The following DAB1 variants were observed in gnomAD, a reference collection of about 807,000 sequenced individuals.
The protein encoded by DAB1 is disabled homolog 1.
In DAB1, 15 loss-of-function variants were observed where a neutral mutation model predicts 64.6. The ratio of observed to expected loss-of-function variants is 0.23; its 90% CI spans 0.16 to 0.36. The LOEUF (loss-of-function observed/expected upper bound fraction) is 0.36. Among genes scored for constraint, DAB1 ranks in the 10% least tolerant of loss-of-function variants. DAB1 has a pLI of 1.00. For synonymous variants in DAB1, 235 were observed against 251.9 expected, an observed-to-expected ratio of 0.93 and a Z score of 0.64; for missense variants, 596 against 706.7, an observed-to-expected ratio of 0.84 and a Z score of 1.78.
intron 6 of DAB1, among the ~76,000 whole-genome samples, chr1:57,740,083 A>C (rs966686006): frequency 1.3e-5 from 2 of 148,806 alleles, no homozygotes; most frequent in Non-Finnish European, 3.0e-5. Flanking sequence ...GCGTGGTCGC[A>C]TGCACTTGTA....
chr1:57,530,641 T>C (rs1168934845), intron 7 of DAB1, among the ~76,000 whole-genome samples: 1 of 152,062 alleles, frequency 6.6e-6, no homozygotes, highest in Non-Finnish European at 1.5e-5. Flanking sequence ...AGCAATTATA[T>C]TGTGAAGAGA....
intron 5 of DAB1, among the ~76,000 whole-genome samples, chr1:57,954,696 T>C (rs1645351460): frequency 6.6e-6 from 1 of 152,192 alleles, no homozygotes; most frequent in African/African-American, 2.4e-5. Context: ...AATACATCCC[T>C]AGTGGAGATG....
intron 14 of DAB1, among the ~76,000 whole-genome samples, chr1:57,009,477 C>G (rs574749029): frequency 6.6e-6 from 1 of 152,278 alleles, no homozygotes; most frequent in East Asian, 1.9e-4. Context: ...AATACACTTT[C>G]AAAATACCAT....
At chr1:58,343,056 G>A (rs1167702808) in intron 4 of DAB1, among the ~76,000 whole-genome samples, 4 of 152,108 alleles carry the variant, frequency 2.6e-5, no homozygotes, top group Admixed American at 6.6e-5. Context: ...TGCCTCCCTA[G>A]CTTCATTCAT....
chr1:57,302,505 C>T (rs111865959), intron 1 of DAB1, among the ~76,000 whole-genome samples: 2 of 152,104 alleles, frequency 1.3e-5, no homozygotes, highest in Admixed American at 6.5e-5. Context: ...GGGCAGCTCC[C>T]GAATGGGAGC....
chr1:57,854,706 G>A (rs953960120), intron 1 of DAB1, among the ~76,000 whole-genome samples: 1 of 152,142 alleles, frequency 6.6e-6, no homozygotes, highest in African/African-American at 2.4e-5. Flanking sequence ...GACTAAACTT[G>A]GCACAGGAGT....
intron 6 of DAB1, among the ~76,000 whole-genome samples, chr1:57,736,761 C>T (rs1647710545): frequency 6.6e-6 from 1 of 152,158 alleles, no homozygotes; most frequent in Non-Finnish European, 1.5e-5. Context: ...CCCTCTCTCA[C>T]TCTTTCCATC....
intron 1 of DAB1, among the ~76,000 whole-genome samples, chr1:57,326,112 A>C (rs1676132693): frequency 6.6e-6 from 1 of 152,244 alleles, no homozygotes; most frequent in African/African-American, 2.4e-5. Flanking sequence ...CAAGGAGCTC[A>C]CAGTCTAGCA....
intron 1 of DAB1, among the ~76,000 whole-genome samples, chr1:57,333,723 T>C (rs1310326153): frequency 3.3e-5 from 5 of 152,258 alleles, no homozygotes. Flanking sequence ...ATAGAGTTGC[T>C]GTGAGGATAA....
At chr1:57,969,874 T>C (rs1645755687) in intron 5 of DAB1, among the ~76,000 whole-genome samples, 1 of 152,168 alleles carries the variant, frequency 6.6e-6, no homozygotes, top group Non-Finnish European at 1.5e-5. Flanking sequence ...GGCTGAATAT[T>C]TGTGTCTCTC....
chr1:58,056,287 G>A, intron 5 of DAB1: 2 of 1,389,704 alleles, frequency 1.4e-6, no homozygotes, highest in South Asian at 1.2e-5. Flanking sequence ...ATACAGCTTG[G>A]GAAGCACATA....
intron 1 of DAB1, among the ~76,000 whole-genome samples, chr1:57,369,802 A>G (rs967678300): frequency 6.6e-6 from 1 of 152,208 alleles, no homozygotes; most frequent in Non-Finnish European, 1.5e-5. Context: ...CCTAGTGCTC[A>G]AGAAAGGGTA....
At chr1:57,084,502 T>C (rs909755809) in intron 4 of DAB1, among the ~76,000 whole-genome samples, 1 of 152,232 alleles carries the variant, frequency 6.6e-6, no homozygotes, top group African/African-American at 2.4e-5. Context: ...GGAAACTAAA[T>C]ACAGCCATCT....
At chr1:57,079,222 A>T (rs1374312965) in intron 4 of DAB1, among the ~76,000 whole-genome samples, 2 of 152,138 alleles carry the variant, frequency 1.3e-5, no homozygotes, top group Admixed American at 1.3e-4. Context: ...TACAATCAAA[A>T]TGCTGTTTAA....
intron 7 of DAB1, among the ~76,000 whole-genome samples, chr1:57,502,883 A>T: frequency 6.6e-6 from 1 of 152,272 alleles, no homozygotes; most frequent in Middle Eastern, 3.2e-3. Flanking sequence ...ATCAAAAAAT[A>T]AAACCCTGGA....
chr1:57,343,512 T>C (rs1291459610), intron 1 of DAB1, among the ~76,000 whole-genome samples: 8 of 152,174 alleles, frequency 5.3e-5, no homozygotes, highest in Admixed American at 1.3e-4. Context: ...GCTGCGCTCA[T>C]TGGGGAGGCT....
intron 6 of DAB1, among the ~76,000 whole-genome samples, chr1:57,667,857 C>G (rs1299523140): frequency 6.6e-6 from 1 of 151,936 alleles, no homozygotes; most frequent in Non-Finnish European, 1.5e-5. Flanking sequence ...AGGGTAACAA[C>G]ACACACTGGG....
At chr1:58,180,674 C>T (rs1656744447) in intron 4 of DAB1, among the ~76,000 whole-genome samples, 1 of 152,046 alleles carries the variant, frequency 6.6e-6, no homozygotes. Context: ...AATTTTGATG[C>T]TTGGTTTCAT....
intron 3 of DAB1, among the ~76,000 whole-genome samples, chr1:58,470,764 G>A (rs948701269): frequency 2.6e-5 from 4 of 152,166 alleles, no homozygotes; most frequent in Middle Eastern, 3.4e-3. Context: ...TCCTTCCAGC[G>A]ACCTTCATGA....
Sources: allele counts gnomAD v4.1 joint callset (sites outside exome capture counted in the v4.1 genomes callset), GRCh38; gene constraint gnomAD v4.1.1; transcripts MANE v1.5; gene names NCBI Gene and HGNC (gene_info 2026-07-23, HGNC 2026-07-21).